Variants in PREX1 observed in about 807,000 individuals in gnomAD.
PREX1 encodes the protein phosphatidylinositol-3,4,5-trisphosphate dependent Rac exchange factor 1.
Under a neutral mutation model 198.3 loss-of-function variants are expected in PREX1, and 41 were observed. The ratio of observed to expected loss-of-function variants is 0.21; its 90% CI spans 0.16 to 0.27. The LOEUF is 0.27. PREX1 is among the 10% of genes least tolerant of loss of function. PREX1 has a pLI of 1.00. For missense variants in PREX1, 1,620 were observed against 2,200.7 expected (o/e 0.74, Z 5.28); for synonymous variants, 843 against 887.2 (o/e 0.95, Z 0.89).
At chr20:48,648,749 T>C (rs1403440665) in intron 25 of PREX1, among the ~76,000 whole-genome samples, 2 of 152,174 alleles carry the variant, frequency 1.3e-5, no homozygotes, top group Non-Finnish European at 2.9e-5. Context: ...CCATCATTCG[T>C]TGATGATTTG....
At chr20:48,637,582 G>C in intron 31 of PREX1, 129 bp downstream of exon 31, 21 of 950,874 alleles carry the variant, frequency 2.2e-5, no homozygotes, top group Non-Finnish European at 3.2e-5. Flanking sequence ...CAAGTTTCAA[G>C]TAGCTCTTGG....
At chr20:48,846,946 CAGGAGTTTCTACAA>C in the PREX1 span, among the ~76,000 whole-genome samples, 1 of 152,266 alleles carries the variant, frequency 6.6e-6, no homozygotes, top group African/African-American at 2.4e-5. Context: ...CAAGGGGAGG[CAGGAGTTTCTACAA>C]AGCCTCTGGG....
rs182413252 is a variant in PREX1, at chr20:48,772,335, C to T, written c.220-24455G>A. On this transcript the variant is annotated intron_variant, in intron 1 of 39. Transcript: ENST00000371941. ...CACAGGTATGGCCCTGCAGGGTGCC[C>T]ATGCCCCCAAGAAGGCGCAGGTGCG... Among the ~76,000 whole-genome samples the T allele has an allele frequency of 4.3e-3, 656 of 152,368 alleles. 9 individuals carry two copies. Among genetic ancestry groups the T allele is most frequent in the African/African-American group, 0.014 (583 of 41,600 alleles).
chr20:48,670,781 C>G (rs371288213), intron 14 of PREX1, among the ~76,000 whole-genome samples: 1 of 152,180 alleles, frequency 6.6e-6, no homozygotes, highest in South Asian at 2.1e-4. Flanking sequence ...TAATACCAAG[C>G]GTTATGATTG....
At chr20:48,787,128 C>CCCT (rs1568864020) in intron 1 of PREX1, among the ~76,000 whole-genome samples, 1 of 152,144 alleles carries the variant, frequency 6.6e-6, no homozygotes, top group African/African-American at 2.4e-5. Context: ...ATTCCTGACA[C>CCCT]CCTCCTTCCT....
At chr20:48,824,508 T>C (rs2123086826) in intron 1 of PREX1, among the ~76,000 whole-genome samples, 1 of 152,350 alleles carries the variant, frequency 6.6e-6, no homozygotes, top group Non-Finnish European at 1.5e-5. Flanking sequence ...CCCACAACCC[T>C]AATTATCTGT....
chr20:48,661,308 A>G (rs2089589028), intron 15 of PREX1, among the ~76,000 whole-genome samples: 1 of 148,126 alleles, frequency 6.8e-6, no homozygotes, highest in Admixed American at 6.8e-5. Flanking sequence ...AATCCCAGCT[A>G]CTCGCAAGGC....
intron 1 of PREX1, among the ~76,000 whole-genome samples, chr20:48,753,108 C>A (rs2090141201): frequency 6.6e-6 from 1 of 152,152 alleles, no homozygotes. Context: ...CAGCTCCCAG[C>A]CTGAGTGTTT....
At chr20:48,703,968 C>A (rs1328649993) in intron 6 of PREX1, among the ~76,000 whole-genome samples, 1 of 152,182 alleles carries the variant, frequency 6.6e-6, no homozygotes, top group African/African-American at 2.4e-5. Context: ...GGACTAGAGA[C>A]CTCCTTCCTT....
In PREX1 at chr20:48,809,827, AG is replaced by A. The variant is rs974219562; in HGVS notation, c.219+17814del. Among the ~76,000 whole-genome samples, 7 of 152,316 alleles carry A rather than the reference AG, an allele frequency of 4.6e-5. No individual in the cohort carries two copies. In the East Asian group the frequency reaches 1.4e-3, roughly 29 times the overall value. Reference sequence around the variant, plus strand: ...GGTTCTCCCAAAGGGGCATAAGTGCAGGAAGTAGGACGGACCATGTGGGAAC... The same window carrying A: ...GGTTCTCCCAAAGGGGCATAAGTGCAGAAGTAGGACGGACCATGTGGGAAC... On this transcript the variant is annotated intron_variant, in intron 1 of 39. Transcript: ENST00000371941.
intron 15 of PREX1, among the ~76,000 whole-genome samples, chr20:48,662,380 T>C (rs1418850743): frequency 2.0e-5 from 3 of 152,182 alleles, no homozygotes; most frequent in African/African-American, 7.2e-5. Flanking sequence ...CTCAATACCT[T>C]TCCCTCGAGG....
At chr20:48,801,203 C>A (rs762179507) in intron 1 of PREX1, among the ~76,000 whole-genome samples, 4 of 152,206 alleles carry the variant, frequency 2.6e-5, no homozygotes, top group African/African-American at 9.7e-5. Flanking sequence ...AGTGTCTATG[C>A]CATCATAGGC....
intron 29 of PREX1, among the ~76,000 whole-genome samples, chr20:48,641,579 G>A (rs550292542): frequency 6.6e-6 from 1 of 151,400 alleles, no homozygotes; most frequent in East Asian, 1.9e-4. Context: ...TTGAGCCCAG[G>A]AGTTCAAAAC....
At chr20:48,840,934 A>G in the PREX1 span, among the ~76,000 whole-genome samples, 1 of 150,752 alleles carries the variant, frequency 6.6e-6, no homozygotes, top group East Asian at 1.9e-4. Flanking sequence ...AATGATCCTC[A>G]CACCTCAGCC....
Position 48,765,358 on chromosome 20 carries a change from C to T in PREX1, c.220-17478G>A, listed in dbSNP as rs551078246. 2.6e-5 allele frequency among the ~76,000 whole-genome samples: 4 copies of T among 152,298 alleles called. No individual in the cohort carries two copies. The South Asian group carries it at 6.2e-4, about 24-fold the overall frequency. ...ATTACTATAATAATTACAGCAACAT[C>T]AAGTATCTTTCACTATTCAGATCTA... is the stretch of plus-strand genomic sequence containing the variant. On this transcript the variant is annotated intron_variant, in intron 1 of 39. Transcript: ENST00000371941.
chr20:48,887,669 G>A, the PREX1 span, among the ~76,000 whole-genome samples: 6 of 148,742 alleles, frequency 4.0e-5, no homozygotes, highest in African/African-American at 1.2e-4. Flanking sequence ...GTTGTTTGCC[G>A]GGTGCGGTGA....
intron 33 of PREX1, among the ~76,000 whole-genome samples, chr20:48,633,083 G>A (rs4809714): frequency 0.079 from 11,957 of 152,282 alleles, 566 homozygotes; most frequent in South Asian, 0.15. Flanking sequence ...AGAAGGAAGC[G>A]CTTAGGGCAG....
chr20:48,800,552 G>A (rs1183035710), intron 1 of PREX1, among the ~76,000 whole-genome samples: 1 of 152,118 alleles, frequency 6.6e-6, no homozygotes, highest in Non-Finnish European at 1.5e-5. Context: ...CCTGTGAGGT[G>A]GGAGCTTTTG....
rs528263929 is a variant in PREX1 at position 48,802,671 on chromosome 20, G to C, written c.219+24971C>G. 9.2e-5 allele frequency among the ~76,000 whole-genome samples: 14 copies of C among 152,334 alleles called. No homozygotes were observed. In the East Asian group the frequency reaches 2.7e-3, roughly 29 times the overall value. On this transcript the variant is annotated intron_variant, in intron 1 of 39. Coordinates refer to ENST00000371941, the MANE Select transcript of PREX1 (RefSeq NM_020820.4). The stretch of plus-strand genomic sequence containing the variant: ...CCCCCATCCCAAACATCAGAGATAT[G>C]AGAGCAGGGATTGTATCTGTTTTGA...
Sources: allele counts gnomAD v4.1 joint callset (sites outside exome capture counted in the v4.1 genomes callset), GRCh38; gene constraint gnomAD v4.1.1; transcripts MANE v1.5; gene names NCBI Gene and HGNC (gene_info 2026-07-23, HGNC 2026-07-21).